TENM4: variants seen among roughly 807,000 people sequenced by gnomAD.
The protein encoded by TENM4 is teneurin-4.
TENM4 carries 82 observed loss-of-function variants against 243.3 expected under a neutral mutation model. That is an observed-to-expected ratio of 0.34 (90% CI 0.28 to 0.40). TENM4 has a LOEUF of 0.40. Among genes scored for constraint, TENM4 ranks in the 10% least tolerant of loss-of-function variants. The pLI, the probability that TENM4 is intolerant of heterozygous loss-of-function variation, is 1.00. For missense variants in TENM4, 3,138 were observed against 3,673.3 expected (o/e 0.85, Z 3.77); for synonymous variants, 1,412 against 1,456.3 (o/e 0.97, Z 0.69).
intron 20 of TENM4, 143 bp from the exon 21 acceptor site, chr11:78,732,720 T>G (rs1855697739): frequency 1.0e-6 from 1 of 963,304 alleles, no homozygotes; most frequent in African/African-American, 1.6e-5. Context: ...GCCTAAATAT[T>G]TGACTGCAGC....
intron 12 of TENM4, among the ~76,000 whole-genome samples, chr11:78,846,147 T>C (rs1220969657): frequency 6.6e-6 from 1 of 152,252 alleles, no homozygotes; most frequent in African/African-American, 2.4e-5. Flanking sequence ...ATTGCTAACC[T>C]AACTCTGCTA....
chr11:78,738,480 A>T lies in TENM4; in HGVS notation c.2847T>A (p.Phe949Leu), dbSNP rs1402957057. Residue 949 changes from phenylalanine to leucine, a missense_variant, in exon 20 of 34, where the codon TTT becomes TTA. Transcript: ENST00000278550. ...CATCTTGCCTGCTGATTGTATATCCAAAGAGAGGGTTATTGACAAAACTGA... is the reference window on the plus strand; with the variant it reads ...CATCTTGCCTGCTGATTGTATATCCTAAGAGAGGGTTATTGACAAAACTGA... ...VNISFVNNPL[F>L]GYTISRQDGS... 6.2e-7 allele frequency: 1 copy of T among 1,613,888 alleles called. No individual in the cohort carries two copies. Among genetic ancestry groups the T allele is most frequent in the South Asian group, 1.1e-5 (1 of 91,044 alleles).
chr11:78,708,220 G>A (rs748782847), intron 27 of TENM4, 141 bp downstream of exon 27: 6 of 1,096,986 alleles, frequency 5.5e-6, no homozygotes, highest in Non-Finnish European at 1.3e-6. Context: ...TTGTGTCCTT[G>A]GTGCTCATCA....
At chr11:79,272,478 T>C (rs1055236843) in intron 2 of TENM4, among the ~76,000 whole-genome samples, 3 of 152,336 alleles carry the variant, frequency 2.0e-5, no homozygotes, top group Admixed American at 6.5e-5. Flanking sequence ...TTTATATTCT[T>C]TTATTTTTCC....
chr11:79,204,314 T>C (rs1863805109), intron 3 of TENM4, among the ~76,000 whole-genome samples: 1 of 152,224 alleles, frequency 6.6e-6, no homozygotes, highest in Non-Finnish European at 1.5e-5. Context: ...AAGTGATGGT[T>C]ACATATTTAA....
chr11:79,353,658 A>G (rs1857451322), intron 1 of TENM4, among the ~76,000 whole-genome samples: 1 of 152,098 alleles, frequency 6.6e-6, no homozygotes, highest in South Asian at 2.1e-4. Flanking sequence ...CTGTAAAAAT[A>G]GCTTATAGCT....
At chr11:78,932,206 T>A (rs1308390529) in intron 6 of TENM4, among the ~76,000 whole-genome samples, 4 of 152,178 alleles carry the variant, frequency 2.6e-5, no homozygotes, top group African/African-American at 9.7e-5. Context: ...TCTGTCAAAG[T>A]CCCAGATCTT....
chr11:78,888,139 C>T (rs1197107916), intron 9 of TENM4, among the ~76,000 whole-genome samples: 1 of 152,252 alleles, frequency 6.6e-6, no homozygotes, highest in Non-Finnish European at 1.5e-5. Context: ...CTCTCCCAGT[C>T]TGGCTGTTTC....
intron 3 of TENM4, among the ~76,000 whole-genome samples, chr11:79,192,158 C>A (rs780287669): frequency 2.6e-5 from 4 of 151,576 alleles, no homozygotes; most frequent in Non-Finnish European, 4.4e-5. Context: ...GGTCAGCCCC[C>A]TGCCCGGCCA....
At chr11:79,226,486 C>T (rs547092665) in intron 2 of TENM4, among the ~76,000 whole-genome samples, 2 of 152,344 alleles carry the variant, frequency 1.3e-5, no homozygotes, top group African/African-American at 4.8e-5. Context: ...AACACAGGCC[C>T]TCACGGGAAG....
chr11:79,305,188 C>T (rs1222200036), intron 1 of TENM4, among the ~76,000 whole-genome samples: 2 of 152,206 alleles, frequency 1.3e-5, no homozygotes, highest in South Asian at 2.1e-4. Context: ...CCAGCTCTGG[C>T]TTATGTAAGT....
At chr11:78,996,929 C>G (rs896409836) in intron 6 of TENM4, among the ~76,000 whole-genome samples, 1 of 151,918 alleles carries the variant, frequency 6.6e-6, no homozygotes, top group African/African-American at 2.4e-5. Context: ...ACAAGGGGTG[C>G]GATGTGAAGG....
chr11:79,127,418 A>C (rs1861903704), intron 4 of TENM4, among the ~76,000 whole-genome samples: 1 of 136,246 alleles, frequency 7.3e-6, no homozygotes, highest in South Asian at 2.2e-4. Context: ...TAGTGACTCC[A>C]ATTGCAGCTG....
chr11:78,984,251 G>A (rs1857869144), intron 6 of TENM4, among the ~76,000 whole-genome samples: 2 of 152,198 alleles, frequency 1.3e-5, no homozygotes, highest in African/African-American at 2.4e-5. Context: ...TTACACTCAT[G>A]TAAGGCTTAG....
intron 1 of TENM4, among the ~76,000 whole-genome samples, chr11:79,332,053 A>G (rs556658149): frequency 6.6e-6 from 1 of 152,232 alleles, no homozygotes; most frequent in Non-Finnish European, 1.5e-5. Flanking sequence ...GCATGTACTC[A>G]ATGTCAGGCA....
At chr11:79,355,963 G>C (rs1015878098) in intron 1 of TENM4, among the ~76,000 whole-genome samples, 66 of 152,162 alleles carry the variant, frequency 4.3e-4, no homozygotes, top group African/African-American at 1.6e-3. Flanking sequence ...TATCCCAGGG[G>C]TTTGAGGGGC....
intron 18 of TENM4, among the ~76,000 whole-genome samples, chr11:78,757,919 T>C (rs888665722): frequency 4.6e-5 from 7 of 152,214 alleles, no homozygotes; most frequent in African/African-American, 1.4e-4. Flanking sequence ...GATGGGCTTC[T>C]TCAGGACTGG....
rs117606341 is a variant in TENM4, at chr11:78,817,435, C to G, written c.1682-3040G>C. 5.4e-3 allele frequency among the ~76,000 whole-genome samples: 816 copies of G among 152,274 alleles called. 6 individuals carry two copies. Among genetic ancestry groups the G allele is most frequent in the Non-Finnish European group, 8.8e-3 (601 of 68,034 alleles). ...AAGAACAAGAAGGTCTAATCCAACA[C>G]GTGGCCTCGTTTCAGGGCAAAATGG... On this transcript the variant is annotated intron_variant, in intron 12 of 33. Transcript: ENST00000278550.
intron 1 of TENM4, among the ~76,000 whole-genome samples, chr11:79,305,381 A>G (rs1429517380): frequency 6.6e-6 from 1 of 151,706 alleles, no homozygotes; most frequent in African/African-American, 2.4e-5. Context: ...ACTACTAATC[A>G]TGGTTAATAA....
Sources: gnomAD v4.1 joint callset for allele counts (sites outside exome capture counted in the v4.1 genomes callset) on GRCh38, gnomAD v4.1.1 for gene constraint, MANE v1.5 for transcripts, NCBI Gene and HGNC (gene_info 2026-07-23, HGNC 2026-07-21) for gene names.